MSRB3: variants seen among roughly 807,000 people sequenced by gnomAD.
MSRB3 encodes the protein methionine-R-sulfoxide reductase B3.
In MSRB3, 13 loss-of-function variants were observed where a neutral mutation model predicts 21.0. That is an observed-to-expected ratio of 0.62 (90% CI 0.40 to 0.98). MSRB3 has a LOEUF of 0.98. Among genes scored for constraint, MSRB3 ranks in the 50% least tolerant of loss-of-function variants. MSRB3 has a pLI of 0.00. For synonymous variants in MSRB3, 87 were observed against 88.6 expected, an observed-to-expected ratio of 0.98 and a Z score of 0.10; for missense variants, 199 against 230.3, an observed-to-expected ratio of 0.86 and a Z score of 0.88.
chr12:65,414,465 T>G (rs971867486), intron 5 of MSRB3, among the ~76,000 whole-genome samples: 1 of 152,202 alleles, frequency 6.6e-6, no homozygotes, highest in African/African-American at 2.4e-5. Context: ...TAGATATGTT[T>G]AGATACACAA....
chr12:65,444,606 T>C (rs758827394), intron 5 of MSRB3, among the ~76,000 whole-genome samples: 43 of 152,264 alleles, frequency 2.8e-4, no homozygotes, highest in Admixed American at 1.9e-3. Context: ...ATAAACCTCA[T>C]TGTGTTCTTC....
chr12:65,403,224 G>A (rs1880228624), intron 5 of MSRB3, among the ~76,000 whole-genome samples: 1 of 152,232 alleles, frequency 6.6e-6, no homozygotes, highest in African/African-American at 2.4e-5. Flanking sequence ...TCCCCCAGGT[G>A]CTCTGTCCCA....
At chr12:65,286,929 G>A (rs1277503928) in intron 1 of MSRB3, among the ~76,000 whole-genome samples, 5 of 148,562 alleles carry the variant, frequency 3.4e-5, no homozygotes, top group African/African-American at 1.2e-4. Flanking sequence ...GCTGAGGTGG[G>A]AGAATCGCTT....
At position 65,426,346 on chromosome 12, in the gene MSRB3, C is replaced by T. The variant is rs1001262480; in HGVS notation, c.293-27382C>T. Among the ~76,000 whole-genome samples the T allele has an allele frequency of 5.3e-5, 8 of 152,212 alleles. No homozygotes were observed. In the South Asian group the frequency reaches 6.2e-4, roughly 12 times the overall value. ...GGGCATTCTTGGTTGGCAGTCCCGTCCTCCCCCTGCACTTATATCACCCCA... is the reference window on the plus strand; with the variant it reads ...GGGCATTCTTGGTTGGCAGTCCCGTTCTCCCCCTGCACTTATATCACCCCA... On this transcript the variant is annotated intron_variant, in intron 5 of 6. Transcript: ENST00000308259.
intron 5 of MSRB3, among the ~76,000 whole-genome samples, chr12:65,379,752 C>G (rs1878837937): frequency 6.6e-6 from 1 of 152,142 alleles, no homozygotes; most frequent in African/African-American, 2.4e-5. Flanking sequence ...CCAAGTTTGG[C>G]TACCATTGAT....
chr12:65,463,303 C>A lies in MSRB3; in HGVS notation c.539C>A (p.Ala180Glu), dbSNP rs1215218860. The A allele has an allele frequency of 6.2e-7, 1 of 1,614,154 alleles. No homozygotes were observed. The highest frequency in any genetic ancestry group is 1.3e-5 in the African/African-American group (1 of 75,024). ...AGTGGGGTCGCCAGCCCGGCCCAGG[C>A]AGACAAAGCGGAGCTCTAGAGTAAT... is the stretch of plus-strand genomic sequence containing the variant. ...GGSGVASPAQ[A>E]DKAEL The change falls in exon 7 of 7, where the codon GCA (alanine) becomes GAA (glutamate). Residue 180 changes from alanine (A) to glutamate (E), a missense_variant. Physicochemically the swap from Ala to Glu is moderately radical, Grantham distance 107. Transcript: ENST00000308259.
chr12:65,368,311 G>A (rs1419158523), intron 4 of MSRB3, among the ~76,000 whole-genome samples: 1 of 152,142 alleles, frequency 6.6e-6, no homozygotes, highest in Admixed American at 6.5e-5. Context: ...CCCACTAATT[G>A]GTTTGAGAGC....
At chr12:65,385,393 T>C (rs1448818319) in intron 5 of MSRB3, among the ~76,000 whole-genome samples, 1 of 152,076 alleles carries the variant, frequency 6.6e-6, no homozygotes, top group African/African-American at 2.4e-5. Context: ...TTCATTCCTA[T>C]TTTCATAGTT....
chr12:65,318,133 A>G (rs1318833614), intron 2 of MSRB3, among the ~76,000 whole-genome samples: 2 of 152,102 alleles, frequency 1.3e-5, no homozygotes, highest in Non-Finnish European at 2.9e-5. Flanking sequence ...TTTCTGGAAT[A>G]TATAGATTCA....
chr12:65,454,102 A>G lies in MSRB3; in HGVS notation c.390+277A>G, dbSNP rs1346929086. On this transcript the variant is annotated intron_variant, in intron 6 of 6. Coordinates refer to ENST00000308259, the MANE Select transcript of MSRB3 (RefSeq NM_001031679.3). ...AGTTCAAGACGAGTCCGGGCAACCT[A>G]GTGAGACCTCGTCTCTACAGAAAAT... 4 of 612,076 alleles carry G rather than the reference A, an allele frequency of 6.5e-6. No individual in the cohort carries two copies. In the Admixed American group the frequency reaches 8.4e-5, roughly 13 times the overall value. 37.9% of individuals were successfully genotyped at this position (612,076 alleles called of 1,614,324 possible).
At chr12:65,315,896 G>C (rs1389877819) in intron 2 of MSRB3, 1 of 152,118 alleles carries the variant, frequency 6.6e-6, no homozygotes, top group African/African-American at 2.4e-5. Context: ...GGCAAGCAAA[G>C]AAAATTCAGA....
intron 4 of MSRB3, among the ~76,000 whole-genome samples, chr12:65,344,548 G>A (rs112498541): frequency 1.4e-4 from 22 of 152,104 alleles, no homozygotes; most frequent in African/African-American, 5.3e-4. Context: ...AAAGTGGTAT[G>A]TGTATTATTT....
At chr12:65,431,062 A>G (rs1286592569) in intron 5 of MSRB3, among the ~76,000 whole-genome samples, 1 of 152,096 alleles carries the variant, frequency 6.6e-6, no homozygotes, top group South Asian at 2.1e-4. Flanking sequence ...TTTAGTGAGT[A>G]TTCAGGAGAT....
chr12:65,388,210 A>T (rs1280761098), intron 5 of MSRB3, among the ~76,000 whole-genome samples: 1 of 152,212 alleles, frequency 6.6e-6, no homozygotes. Flanking sequence ...GGTCTCTGTT[A>T]TTCTCTACAG....
chr12:65,332,544 G>C (rs1875497478), intron 4 of MSRB3, among the ~76,000 whole-genome samples: 1 of 152,110 alleles, frequency 6.6e-6, no homozygotes, highest in African/African-American at 2.4e-5. Flanking sequence ...TAAATGACAA[G>C]TTAATGGGTG....
intron 5 of MSRB3, among the ~76,000 whole-genome samples, chr12:65,380,622 G>C (rs1424865628): frequency 6.6e-6 from 1 of 152,020 alleles, no homozygotes; most frequent in Non-Finnish European, 1.5e-5. Flanking sequence ...TAATAATAAC[G>C]ACAATGACAG....
At position 65,463,989 on chromosome 12, in the gene MSRB3, T is replaced by G. The variant is rs1408165990; in HGVS notation, c.*667T>G. On this transcript the variant is annotated 3_prime_UTR_variant, in exon 7 of 7. Coordinates refer to ENST00000308259, the MANE Select transcript of MSRB3 (RefSeq NM_001031679.3). ...TTATTTTATTTTCCATCGAAAGCAT[T>G]GGAGGCCCAGTGCAATGGCTCACGC... The G allele has an allele frequency of 6.6e-6, 1 of 152,474 alleles. No homozygotes were observed. The highest frequency in any genetic ancestry group is 1.5e-5 in the Non-Finnish European group (1 of 68,274). The allele number at this position is 152,474 out of a possible 1,614,324, so 9.4% of individuals were successfully genotyped here. A position where few individuals can be genotyped will look rare whatever the true frequency, so the allele number is the denominator to read the frequency against.
At chr12:65,423,477 G>A (rs1881428185) in intron 5 of MSRB3, among the ~76,000 whole-genome samples, 1 of 152,134 alleles carries the variant, frequency 6.6e-6, no homozygotes, top group Non-Finnish European at 1.5e-5. Flanking sequence ...TTAGCTGTAA[G>A]CTTGTCATAT....
intron 4 of MSRB3, among the ~76,000 whole-genome samples, chr12:65,344,931 A>G (rs1378555513): frequency 1.3e-5 from 2 of 151,898 alleles, no homozygotes; most frequent in African/African-American, 4.8e-5. Flanking sequence ...GGATTCTAGA[A>G]TTTTCTTTTT....
Sources: gnomAD v4.1 joint callset for allele counts (sites outside exome capture counted in the v4.1 genomes callset) on GRCh38, gnomAD v4.1.1 for gene constraint, MANE v1.5 for transcripts, NCBI Gene and HGNC (gene_info 2026-07-23, HGNC 2026-07-21) for gene names.